The following CNTLN variants were observed in gnomAD, a reference collection of about 807,000 sequenced individuals.
CNTLN encodes the protein centlein, centrosomal protein.
Under a neutral mutation model 180.0 loss-of-function variants are expected in CNTLN, and 212 were observed. The ratio of observed to expected loss-of-function variants is 1.18; its 90% CI spans 1.05 to 1.32. The LOEUF is 1.32. CNTLN is among the 40% of genes most tolerant of loss of function. CNTLN has a pLI of 0.00. For synonymous variants in CNTLN, 722 were observed against 563.1 expected, an observed-to-expected ratio of 1.28 and a Z score of -3.99; for missense variants, 2,095 against 1,610.9, an observed-to-expected ratio of 1.30 and a Z score of -5.14.
chr9:17,206,636 G>A (rs373495307), intron 2 of CNTLN, among the ~76,000 whole-genome samples: 9 of 152,076 alleles, frequency 5.9e-5, no homozygotes, highest in African/African-American at 2.2e-4. Flanking sequence ...CTACAAATGA[G>A]TATCAAATTG....
chr9:17,362,792 G>C (rs562018091), intron 12 of CNTLN, among the ~76,000 whole-genome samples: 150 of 151,988 alleles, frequency 9.9e-4, no homozygotes, highest in Non-Finnish European at 1.3e-3. Flanking sequence ...AGAGTATGCA[G>C]GTTTATTACA....
Position 17,274,320 on chromosome 9 carries a change from G to A in CNTLN, c.983+454G>A, listed in dbSNP as rs981525597. Reference sequence around the variant, plus strand: ...TCATAAAGTTGGATTACTTGAAAAAGGAAGCACGATACTCTTGTATTTCTG... The same window carrying A: ...TCATAAAGTTGGATTACTTGAAAAAAGAAGCACGATACTCTTGTATTTCTG... On this transcript the variant is annotated intron_variant, in intron 6 of 25. Coordinates refer to ENST00000380647, the MANE Select transcript of CNTLN (RefSeq NM_017738.4). 7.9e-5 allele frequency among the ~76,000 whole-genome samples: 12 copies of A among 151,876 alleles called. 1 individual carries two copies. The highest frequency in any genetic ancestry group is 2.9e-4 in the African/African-American group (12 of 41,350).
At chr9:17,272,893 C>G (rs1930639) in intron 5 of CNTLN, among the ~76,000 whole-genome samples, 25,109 of 151,974 alleles carry the variant, frequency 0.17, 2,256 homozygotes, top group South Asian at 0.28. Flanking sequence ...TTCCCTCCCT[C>G]CCTCCTTCTG....
intron 7 of CNTLN, among the ~76,000 whole-genome samples, chr9:17,305,352 C>T (rs149088398): frequency 6.6e-6 from 1 of 151,996 alleles, no homozygotes; most frequent in African/African-American, 2.4e-5. Context: ...AATTCTTATC[C>T]ATTCGAGCTT....
intron 5 of CNTLN, among the ~76,000 whole-genome samples, chr9:17,252,439 G>A (rs978081399): frequency 6.1e-5 from 9 of 147,936 alleles, no homozygotes; most frequent in African/African-American, 1.8e-4. Context: ...ATAGTCATTC[G>A]AACTAGGATG....
At chr9:17,454,951 G>C (rs1197611041) in intron 18 of CNTLN, among the ~76,000 whole-genome samples, 1 of 152,172 alleles carries the variant, frequency 6.6e-6, no homozygotes. Context: ...TAATAAACAA[G>C]AAAAATCACA....
At chr9:17,141,373 ATAT>A (rs1181634650) in intron 1 of CNTLN, among the ~76,000 whole-genome samples, 144 of 152,308 alleles carry the variant, frequency 9.5e-4, no homozygotes, top group African/African-American at 3.3e-3. Context: ...TTCACTTGAG[ATAT>A]TATTTAAGAA....
intron 13 of CNTLN, among the ~76,000 whole-genome samples, chr9:17,370,007 A>G (rs149682892): frequency 3.4e-4 from 51 of 152,018 alleles, no homozygotes; most frequent in African/African-American, 1.1e-3. Context: ...AAAAGAAAAT[A>G]CACAGAGGAG....
At chr9:17,338,331 A>ATTTT (rs1238106698) in intron 10 of CNTLN, among the ~76,000 whole-genome samples, 1,151 of 27,256 alleles carry the variant, frequency 0.042, 31 homozygotes, top group African/African-American at 0.11. Flanking sequence ...CTCCTGGCTA[A>ATTTT]TTTTTGTTTT....
chr9:17,445,067 T>C (rs1221138338), intron 18 of CNTLN, among the ~76,000 whole-genome samples: 2 of 152,176 alleles, frequency 1.3e-5, no homozygotes, highest in African/African-American at 2.4e-5. Flanking sequence ...CTTTTTATTT[T>C]ATCAAATCCA....
At chr9:17,504,660 G>T (rs971089558), downstream of CNTLN, among the ~76,000 whole-genome samples, 32 of 152,306 alleles carry the variant, frequency 2.1e-4, no homozygotes, top group African/African-American at 7.2e-4. Flanking sequence ...GGAAGAGTCA[G>T]AGAGAGAGAA....
intron 12 of CNTLN, among the ~76,000 whole-genome samples, chr9:17,343,602 T>C (rs561641562): frequency 6.6e-6 from 1 of 152,334 alleles, no homozygotes; most frequent in Non-Finnish European, 1.5e-5. Context: ...GGCTCTTATC[T>C]TGAAAACTAT....
intron 15 of CNTLN, among the ~76,000 whole-genome samples, chr9:17,404,621 G>C (rs563351230): frequency 6.6e-6 from 1 of 151,732 alleles, no homozygotes; most frequent in Admixed American, 6.6e-5. Context: ...ACACCTGTTA[G>C]TACTCCTTTA....
At chr9:17,328,109 G>T (rs943402440) in intron 8 of CNTLN, among the ~76,000 whole-genome samples, 1 of 152,066 alleles carries the variant, frequency 6.6e-6, no homozygotes, top group African/African-American at 2.4e-5. Flanking sequence ...TGCATGTTTG[G>T]TGAAATCTAT....
Position 17,502,570 on chromosome 9 carries a change from T to C in CNTLN, c.4139T>C (p.Leu1380Ser), listed in dbSNP as rs544116579. 151 of 1,403,194 alleles carry C rather than the reference T, an allele frequency of 1.1e-4. 1 individual carries two copies. The highest frequency in any genetic ancestry group is 9.5e-5 in the Non-Finnish European group (98 of 1,027,170). The allele number at this position is 1,403,194 out of a possible 1,614,324, so 86.9% of individuals were successfully genotyped here. A position where few individuals can be genotyped will look rare whatever the true frequency, so the allele number is the denominator to read the frequency against. ...TTACAGCTTCCTTTTGCCTCATATT[T>C]ACTAGAAGCAGTACTGGAAAAAATA... ...LEGQLPFASY[L>S]LEAVLEKINE... is the part of the protein sequence containing the mutation. The change falls in exon 26 of 26, where the codon TTA (leucine) becomes TCA (serine). Residue 1380 changes from leucine to serine, a missense_variant. By Grantham distance (145) the Leu-to-Ser change is moderately radical. Transcript: ENST00000380647.
At chr9:17,164,311 C>CAAA (rs774854028) in intron 2 of CNTLN, among the ~76,000 whole-genome samples, 1 of 51,722 alleles carries the variant, frequency 1.9e-5, no homozygotes, top group African/African-American at 6.9e-5. Context: ...GACTCTGTCT[C>CAAA]AAAAAAAAAA....
intron 15 of CNTLN, among the ~76,000 whole-genome samples, chr9:17,398,024 A>G (rs1296849560): frequency 1.3e-5 from 2 of 151,896 alleles, no homozygotes. Context: ...AAAAAATAGT[A>G]TGTATATATA....
At chr9:17,249,408 G>A (rs1173139366) in intron 5 of CNTLN, among the ~76,000 whole-genome samples, 1 of 143,456 alleles carries the variant, frequency 7.0e-6, no homozygotes, top group East Asian at 2.0e-4. Flanking sequence ...GAGTGCAGTG[G>A]TGCAATCTTG....
chr9:17,461,271 A>T (rs923383385), intron 19 of CNTLN, among the ~76,000 whole-genome samples: 1 of 151,656 alleles, frequency 6.6e-6, no homozygotes, highest in African/African-American at 2.4e-5. Flanking sequence ...TCAGAGAAAG[A>T]ATTGAAAATT....
Sources: allele counts gnomAD v4.1 joint callset (sites outside exome capture counted in the v4.1 genomes callset), GRCh38; gene constraint gnomAD v4.1.1; transcripts MANE v1.5; gene names NCBI Gene and HGNC (gene_info 2026-07-23, HGNC 2026-07-21).